The following CERT1 variants were observed in gnomAD, a reference collection of about 807,000 sequenced individuals.
CERT1 encodes ceramide transporter 1.
CERT1 carries 31 observed loss-of-function variants against 87.9 expected under a neutral mutation model. The observed-to-expected ratio is 0.35, with a 90% CI of 0.27 to 0.48. The LOEUF (loss-of-function observed/expected upper bound fraction) is 0.48. CERT1 is among the 20% of genes least tolerant of loss of function. The pLI is 0.99. For synonymous variants in CERT1, 289 were observed against 250.9 expected (o/e 1.15, Z -1.44); for missense variants, 487 against 758.0 (o/e 0.64, Z 4.20).
At chr5:75,455,857 C>T (rs891366528) in intron 3 of CERT1, among the ~76,000 whole-genome samples, 6 of 152,148 alleles carry the variant, frequency 3.9e-5, no homozygotes, top group Non-Finnish European at 8.8e-5. Flanking sequence ...AGGCAAATTA[C>T]TTAATTTTAA....
intron 3 of CERT1, among the ~76,000 whole-genome samples, chr5:75,449,290 A>C (rs1764681893): frequency 2.6e-5 from 4 of 152,238 alleles, no homozygotes; most frequent in Admixed American, 1.3e-4. Flanking sequence ...GGAATTACAA[A>C]AAAGAGAAAA....
intron 2 of CERT1, among the ~76,000 whole-genome samples, chr5:75,460,673 T>C (rs544624242): frequency 1.1e-4 from 16 of 152,372 alleles, no homozygotes; most frequent in African/African-American, 3.8e-4. Flanking sequence ...GACAGTGAAC[T>C]TATTTGCTTA....
intron 12 of CERT1, among the ~76,000 whole-genome samples, 184 bp from the exon 13 acceptor site, chr5:75,386,218 T>G (rs1184418100): frequency 6.6e-6 from 1 of 152,174 alleles, no homozygotes; most frequent in Non-Finnish European, 1.5e-5. Flanking sequence ...AAATTATAAA[T>G]CCAAGGTAAA....
rs538400141 is a variant in CERT1 at position 75,418,878 on chromosome 5, G to A, written c.679+463C>T. ...GAAAACTTTTGAAGGTGATATAAAT[G>A]TTAACTATCTTGATTGTGTTGATAG... On this transcript the variant is annotated intron_variant, in intron 6 of 16. Coordinates refer to ENST00000643780, the MANE Select transcript of CERT1 (RefSeq NM_001379029.1). Among the ~76,000 whole-genome samples the A allele has an allele frequency of 5.8e-4, 89 of 152,266 alleles. 1 individual carries two copies. The highest frequency in any genetic ancestry group is 2.1e-3 in the African/African-American group (86 of 41,554).
chr5:75,390,134 T>G (rs185643524), intron 11 of CERT1, among the ~76,000 whole-genome samples: 75 of 151,864 alleles, frequency 4.9e-4, no homozygotes, highest in East Asian at 1.4e-3. Context: ...AACAAAGACA[T>G]AGAGAGAGAG....
intron 2 of CERT1, among the ~76,000 whole-genome samples, chr5:75,479,948 C>A (rs78829260): frequency 0.011 from 1,677 of 152,274 alleles, 34 homozygotes; most frequent in African/African-American, 0.039. Flanking sequence ...ACCTTGCCAG[C>A]ATCTGTTGTT....
chr5:75,418,808 T>C (rs1763249892), intron 6 of CERT1, among the ~76,000 whole-genome samples: 1 of 152,114 alleles, frequency 6.6e-6, no homozygotes. Flanking sequence ...AATAGATCAG[T>C]GGCTATTCAG....
At chr5:75,439,137 C>A (rs1194772641) in intron 3 of CERT1, among the ~76,000 whole-genome samples, 1 of 150,004 alleles carries the variant, frequency 6.7e-6, no homozygotes, top group Non-Finnish European at 1.5e-5. Flanking sequence ...AAAAGCATTT[C>A]AAATTAAATA....
chr5:75,462,451 T>A (rs569776962), intron 2 of CERT1, among the ~76,000 whole-genome samples: 1 of 152,338 alleles, frequency 6.6e-6, no homozygotes, highest in Admixed American at 6.5e-5. Context: ...ATGCTGCTGC[T>A]GATCTGACAG....
At chr5:75,377,377 C>T (rs927673332), downstream of CERT1, 3 of 152,234 alleles carry the variant, frequency 2.0e-5, no homozygotes, top group African/African-American at 7.2e-5. Context: ...AGTAGTACCA[C>T]ATCTATTAAT....
At chr5:75,436,177 C>T (rs577566955) in intron 3 of CERT1, among the ~76,000 whole-genome samples, 27 of 152,228 alleles carry the variant, frequency 1.8e-4, no homozygotes, top group East Asian at 1.2e-3. Flanking sequence ...GGACTACAGA[C>T]GTCCGCTACC....
chr5:75,386,987 C>T (rs1761816057), intron 12 of CERT1, among the ~76,000 whole-genome samples: 1 of 152,152 alleles, frequency 6.6e-6, no homozygotes, highest in Non-Finnish European at 1.5e-5. Context: ...CCTGTCTCGG[C>T]TTCCTGAGTA....
chr5:75,482,824 G>A (rs1484337321), intron 2 of CERT1, among the ~76,000 whole-genome samples: 3 of 152,164 alleles, frequency 2.0e-5, no homozygotes, highest in Non-Finnish European at 4.4e-5. Flanking sequence ...TAGGCTTGGG[G>A]TGCCACCTAA....
At chr5:75,432,883 G>C (rs889108225) in intron 3 of CERT1, among the ~76,000 whole-genome samples, 1 of 152,072 alleles carries the variant, frequency 6.6e-6, no homozygotes, top group Non-Finnish European at 1.5e-5. Flanking sequence ...TACAAGGTGA[G>C]AGGAAGGCAT....
At chr5:75,470,909 TA>T (rs1233656395) in intron 2 of CERT1, among the ~76,000 whole-genome samples, 4 of 151,786 alleles carry the variant, frequency 2.6e-5, no homozygotes, top group Non-Finnish European at 5.9e-5. Flanking sequence ...AAAATCAACA[TA>T]AAAAAATCAC....
intron 11 of CERT1, 64 bp downstream of exon 11, chr5:75,399,246 T>TG (rs1334258720): frequency 3.2e-6 from 4 of 1,239,188 alleles, no homozygotes; most frequent in Non-Finnish European, 4.7e-6. Context: ...TTCTAGGAAC[T>TG]GGGAAAGCAG....
chr5:75,397,215 C>A (rs1029593971), intron 11 of CERT1, among the ~76,000 whole-genome samples: 4 of 152,120 alleles, frequency 2.6e-5, no homozygotes, highest in African/African-American at 9.7e-5. Context: ...TACTTGAAGA[C>A]CTTAATGTTA....
chr5:75,383,625 G>C (rs1019404021), intron 14 of CERT1, among the ~76,000 whole-genome samples: 8 of 152,062 alleles, frequency 5.3e-5, no homozygotes, highest in African/African-American at 1.9e-4. Flanking sequence ...CTAATTATTA[G>C]ATATAAGATG....
chr5:75,416,857 G>GA lies in CERT1; in HGVS notation c.837+18dup, dbSNP rs759047629. 8.3e-6 allele frequency: 13 copies of GA among 1,562,656 alleles called. No individual in the cohort carries two copies. The East Asian group carries it at 1.8e-4, about 22-fold the overall frequency. ...ACTTAAATGTGATTATTTTTAAAAG[G>GA]AAAAAAACCTAGTCTTACCTTATCC... On this transcript the variant is annotated intron_variant, in intron 7 of 16. Transcript: ENST00000643780.
Sources: allele counts gnomAD v4.1 joint callset (sites outside exome capture counted in the v4.1 genomes callset), GRCh38; gene constraint gnomAD v4.1.1; transcripts MANE v1.5; gene names NCBI Gene and HGNC (gene_info 2026-07-23, HGNC 2026-07-21).